TBC1D14: variants seen among roughly 807,000 people sequenced by gnomAD.
TBC1D14 encodes TBC1 domain family, member 14.
Under a neutral mutation model 79.0 loss-of-function variants are expected in TBC1D14, and 26 were observed. The ratio of observed to expected loss-of-function variants is 0.33; its 90% CI spans 0.24 to 0.46. TBC1D14 has a LOEUF of 0.46. Ranked by LOEUF, TBC1D14 falls within the 20% of genes least tolerant of loss-of-function variation. TBC1D14 has a pLI of 1.00. For missense variants in TBC1D14, 769 were observed against 887.6 expected, an observed-to-expected ratio of 0.87 and a Z score of 1.70; for synonymous variants, 394 against 349.9, an observed-to-expected ratio of 1.13 and a Z score of -1.40.
intron 3 of TBC1D14, among the ~76,000 whole-genome samples, chr4:6,990,811 C>CCTAG (rs1317803389): frequency 6.6e-6 from 1 of 152,184 alleles, no homozygotes; most frequent in Non-Finnish European, 1.5e-5. Flanking sequence ...TCACCCAAGC[C>CCTAG]AGGACCTAGA....
Position 6,954,476 on chromosome 4 carries a change from G to A in TBC1D14, c.723-12828G>A, listed in dbSNP as rs954779613. ...TGAGGTGTTTCTGTGGGTCTCCCCC[G>A]GTGTGAAATGGAGGTGATCCTTTCT... On this transcript the variant is annotated intron_variant, in intron 2 of 13. Coordinates refer to ENST00000409757, the MANE Select transcript of TBC1D14 (RefSeq NM_020773.3). The A allele has an allele frequency of 3.0e-5, 21 of 691,634 alleles. No homozygotes were observed. The Admixed American group carries it at 3.1e-4, about 10-fold the overall frequency. 42.8% of individuals were successfully genotyped at this position (691,634 alleles called of 1,614,324 possible). A position where few individuals can be genotyped will look rare whatever the true frequency, so the allele number is the denominator to read the frequency against.
chr4:6,994,155 T>A (rs1020364814), intron 3 of TBC1D14, 29 bp from the exon 4 acceptor site: 20 of 1,567,036 alleles, frequency 1.3e-5, no homozygotes, highest in Non-Finnish European at 1.7e-5. Context: ...TGAAAGGACC[T>A]GGAGTCATCC....
At chr4:6,953,818 G>T (rs907618424) in intron 2 of TBC1D14, among the ~76,000 whole-genome samples, 2 of 152,146 alleles carry the variant, frequency 1.3e-5, no homozygotes, top group African/African-American at 4.8e-5. Flanking sequence ...GGCAGACCTG[G>T]CCGCTGCTTC....
intron 2 of TBC1D14, among the ~76,000 whole-genome samples, chr4:6,946,214 A>G (rs139225716): frequency 3.0e-4 from 45 of 152,316 alleles, no homozygotes; most frequent in African/African-American, 7.7e-4. Context: ...TTGGTTCTCA[A>G]TATGTATTTG....
At position 6,969,414 on chromosome 4, in the gene TBC1D14, T is replaced by C. The variant is rs10007838; in HGVS notation, c.843+1990T>C. On this transcript the variant is annotated intron_variant, in intron 3 of 13. Transcript: ENST00000409757. ...GTCTTTTTAAGACCCTGTTTTTTTT[T>C]CTTTTTTTTGAGACGGAGTCTCACT... is the stretch of plus-strand genomic sequence containing the variant. 6.7e-3 allele frequency among the ~76,000 whole-genome samples: 1,015 copies of C among 152,302 alleles called. 10 individuals are homozygous for C. The highest frequency in any genetic ancestry group is 0.023 in the African/African-American group (962 of 41,566).
intron 1 of TBC1D14, among the ~76,000 whole-genome samples, chr4:6,914,225 C>G (rs1284408940): frequency 6.6e-6 from 1 of 151,988 alleles, no homozygotes; most frequent in Non-Finnish European, 1.5e-5. Context: ...TGTGAAGGAG[C>G]CTTTGAGGAC....
At chr4:6,967,961 C>T (rs1180860101) in intron 3 of TBC1D14, among the ~76,000 whole-genome samples, 2 of 152,150 alleles carry the variant, frequency 1.3e-5, no homozygotes, top group African/African-American at 4.8e-5. Context: ...CTGCCTTGCT[C>T]CTTACGGTGG....
At chr4:6,934,535 G>A (rs1482194186) in intron 2 of TBC1D14, among the ~76,000 whole-genome samples, 5 of 152,000 alleles carry the variant, frequency 3.3e-5, no homozygotes, top group Non-Finnish European at 5.9e-5. Context: ...GCGGGTGCCT[G>A]TAATACCAGC....
intron 12 of TBC1D14, among the ~76,000 whole-genome samples, chr4:7,018,160 C>G (rs144669733): frequency 6.6e-6 from 1 of 152,180 alleles, no homozygotes; most frequent in Non-Finnish European, 1.5e-5. Context: ...CCCAGAGACA[C>G]GTCCACACCC....
chr4:7,017,273 C>G (rs1721380253), intron 12 of TBC1D14, among the ~76,000 whole-genome samples: 1 of 152,214 alleles, frequency 6.6e-6, no homozygotes, highest in Non-Finnish European at 1.5e-5. Flanking sequence ...GCACTCTAGC[C>G]TGGGTGACAG....
chr4:6,939,057 C>G (rs1257001536), intron 2 of TBC1D14, among the ~76,000 whole-genome samples: 1 of 152,224 alleles, frequency 6.6e-6, no homozygotes, highest in African/African-American at 2.4e-5. Flanking sequence ...TCCGGCTCAG[C>G]CGGTGGCCTC....
intron 2 of TBC1D14, among the ~76,000 whole-genome samples, chr4:6,953,647 A>AAAAAAG: frequency 6.7e-6 from 1 of 150,342 alleles, no homozygotes; most frequent in African/African-American, 2.4e-5. Flanking sequence ...AAAAAAAAAA[A>AAAAAAG]AAAAGAATAG....
In TBC1D14 at chr4:7,030,473, C is replaced by A; in HGVS notation, c.*81C>A. On this transcript the variant is annotated 3_prime_UTR_variant, in exon 14 of 14. Coordinates refer to ENST00000409757, the MANE Select transcript of TBC1D14 (RefSeq NM_020773.3). ...CTGTTGTTTCAGACTGACACCCGGG[C>A]AGCCGAGAAGAACAGACGCTCTTTA... The A allele has an allele frequency of 1.4e-6, 2 of 1,448,762 alleles. No individual in the cohort carries two copies. The highest frequency in any genetic ancestry group is 1.9e-6 in the Non-Finnish European group (2 of 1,036,836). 89.7% of individuals were successfully genotyped at this position (1,448,762 alleles called of 1,614,324 possible).
At chr4:6,983,277 AATAT>A (rs1281565817) in intron 3 of TBC1D14, among the ~76,000 whole-genome samples, 1 of 151,692 alleles carries the variant, frequency 6.6e-6, no homozygotes, top group Non-Finnish European at 1.5e-5. Flanking sequence ...CGGCCTTTAA[AATAT>A]ATATATATAT....
intron 3 of TBC1D14, among the ~76,000 whole-genome samples, chr4:6,973,861 T>C (rs1716471188): frequency 6.6e-6 from 1 of 152,140 alleles, no homozygotes; most frequent in African/African-American, 2.4e-5. Context: ...TCTCACTCTG[T>C]CACCCAGGCT....
At chr4:6,975,704 A>G (rs916742471) in intron 3 of TBC1D14, among the ~76,000 whole-genome samples, 4 of 152,244 alleles carry the variant, frequency 2.6e-5, no homozygotes, top group Non-Finnish European at 5.9e-5. Context: ...TTGTAACTGA[A>G]AAATACACTA....
intron 2 of TBC1D14, among the ~76,000 whole-genome samples, chr4:6,962,210 G>C (rs1287052849): frequency 1.3e-5 from 2 of 152,158 alleles, no homozygotes; most frequent in Admixed American, 6.5e-5. Context: ...TGCAGGTATG[G>C]ATGGTGGCGG....
chr4:6,952,451 TG>T lies in TBC1D14; in HGVS notation c.723-14850del, dbSNP rs528721747. Among the ~76,000 whole-genome samples, 473 of 152,380 alleles carry T rather than the reference TG, an allele frequency of 3.1e-3. 2 individuals carry two copies. Among genetic ancestry groups the T allele is most frequent in the African/African-American group, 0.01 (426 of 41,584 alleles). On this transcript the variant is annotated intron_variant, in intron 2 of 13. Transcript: ENST00000409757. The stretch of plus-strand genomic sequence containing the variant: ...GTCAGTTTCATCCCCTCTGGTCCCC[TG>T]GGCCAGGCACAGACTAGGTGCTCAG...
intron 11 of TBC1D14, among the ~76,000 whole-genome samples, chr4:7,012,359 A>G (rs1202839155): frequency 6.6e-6 from 1 of 152,104 alleles, no homozygotes; most frequent in Non-Finnish European, 1.5e-5. Flanking sequence ...GGGACTGTAA[A>G]TTGGCACAGT....
Sources: allele counts gnomAD v4.1 joint callset (sites outside exome capture counted in the v4.1 genomes callset), GRCh38; gene constraint gnomAD v4.1.1; transcripts MANE v1.5; gene names NCBI Gene and HGNC (gene_info 2026-07-23, HGNC 2026-07-21).